GRIK3: variants seen among roughly 807,000 people sequenced by gnomAD.
GRIK3 encodes the protein glutamate ionotropic receptor kainate type subunit 3.
A neutral mutation model predicts 102.5 loss-of-function variants in GRIK3; 29 were observed. The ratio of observed to expected loss-of-function variants is 0.28; its 90% CI spans 0.21 to 0.39. GRIK3 has a LOEUF of 0.39. Ranked by LOEUF, GRIK3 falls within the 10% of genes least tolerant of loss-of-function variation. The pLI, the probability that GRIK3 is intolerant of heterozygous loss-of-function variation, is 1.00. For missense variants in GRIK3, 908 were observed against 1,252.4 expected, an observed-to-expected ratio of 0.73 and a Z score of 4.15; for synonymous variants, 511 against 504.9, an observed-to-expected ratio of 1.01 and a Z score of -0.16.
intron 2 of GRIK3, among the ~76,000 whole-genome samples, chr1:36,883,302 T>C (rs1437701760): frequency 1.3e-5 from 2 of 152,174 alleles, no homozygotes; most frequent in Non-Finnish European, 2.9e-5. Flanking sequence ...AATGGAGACT[T>C]CTCCTACACA....
At chr1:36,876,629 T>G (rs1002623723) in intron 3 of GRIK3, among the ~76,000 whole-genome samples, 3 of 152,218 alleles carry the variant, frequency 2.0e-5, no homozygotes, top group Non-Finnish European at 4.4e-5. Flanking sequence ...AACATCCTGA[T>G]GGACACAATC....
intron 11 of GRIK3, among the ~76,000 whole-genome samples, chr1:36,824,428 C>T (rs1351833093): frequency 6.6e-6 from 1 of 152,194 alleles, no homozygotes; most frequent in Non-Finnish European, 1.5e-5. Context: ...GCAGGGTGGC[C>T]ATGGCAGCTT....
chr1:36,861,699 A>G (rs1439819845), intron 5 of GRIK3, among the ~76,000 whole-genome samples: 1 of 152,086 alleles, frequency 6.6e-6, no homozygotes, highest in Non-Finnish European at 1.5e-5. Context: ...CTCCTTCTGG[A>G]ATGCACTGTG....
rs549140841 is a variant in GRIK3 at position 36,806,572 on chromosome 1, G to A, written c.2092-246C>T. On this transcript the variant is annotated intron_variant, in intron 13 of 15. Transcript: ENST00000373091. This position sits in a 1 kb window ranked among gnomAD's most constrained non-coding sequence, Gnocchi z 4.0. Reference sequence around the variant, plus strand: ...CCTGCTTCCTGGAAACCCTGGCCATGGCACAAGTGGTCTTCAAGCTGACTT... The same window carrying A: ...CCTGCTTCCTGGAAACCCTGGCCATAGCACAAGTGGTCTTCAAGCTGACTT... 6.6e-6 allele frequency among the ~76,000 whole-genome samples: 1 copy of A among 152,164 alleles called. No individual in the cohort carries two copies. Among genetic ancestry groups the A allele is most frequent in the Non-Finnish European group, 1.5e-5 (1 of 68,030 alleles).
At chr1:36,894,395 C>A (rs1055877315) in intron 1 of GRIK3, among the ~76,000 whole-genome samples, 1 of 152,148 alleles carries the variant, frequency 6.6e-6, no homozygotes, top group Non-Finnish European at 1.5e-5. Flanking sequence ...ATTTTTCTAT[C>A]CACCAGCTGA....
chr1:36,898,355 C>T (rs1170168422), intron 1 of GRIK3, among the ~76,000 whole-genome samples: 1 of 152,112 alleles, frequency 6.6e-6, no homozygotes, highest in East Asian at 1.9e-4. Context: ...GTGATTATTA[C>T]ATATTGCATG....
rs984501377 is a variant in GRIK3, at chr1:36,841,644, T to G, written c.1530+92A>C. ...CATCACTCCTGTCCCCAGGGCCTTT[T>G]TCTGCCAGGCTGCCCAGCCCTGTGG... On this transcript the variant is annotated intron_variant, in intron 10 of 15. Transcript: ENST00000373091. 3 of 1,129,430 alleles carry G rather than the reference T, an allele frequency of 2.7e-6. No individual in the cohort carries two copies. In the African/African-American group the frequency reaches 4.6e-5, roughly 17 times the overall value. The allele number at this position is 1,129,430 out of a possible 1,614,324, so 70.0% of individuals were successfully genotyped here. A position where few individuals can be genotyped will look rare whatever the true frequency, so the allele number is the denominator to read the frequency against.
At chr1:37,031,680 C>T (rs1310873546) in intron 1 of GRIK3, among the ~76,000 whole-genome samples, 1 of 152,198 alleles carries the variant, frequency 6.6e-6, no homozygotes, top group Non-Finnish European at 1.5e-5. Flanking sequence ...TTCTTAAAGC[C>T]CCAGCCAGAA....
intron 10 of GRIK3, among the ~76,000 whole-genome samples, chr1:36,840,273 C>T (rs909556456): frequency 6.6e-6 from 1 of 152,098 alleles, no homozygotes; most frequent in African/African-American, 2.4e-5. Context: ...AATTCAGCAG[C>T]AGCTCCTTGA....
chr1:36,870,061 A>G (rs747740072), intron 4 of GRIK3, among the ~76,000 whole-genome samples: 3 of 152,240 alleles, frequency 2.0e-5, no homozygotes, highest in Non-Finnish European at 2.9e-5. Context: ...CAAAGATTCC[A>G]AATTCTGCAG....
chr1:37,001,764 G>A (rs1642478864), intron 1 of GRIK3, among the ~76,000 whole-genome samples: 1 of 152,210 alleles, frequency 6.6e-6, no homozygotes, highest in Non-Finnish European at 1.5e-5. Context: ...TATTTGGGAG[G>A]TGATCTCAGG....
Position 36,892,852 on chromosome 1 carries a change from G to A in GRIK3, c.116-1756C>T, listed in dbSNP as rs544318007. Among the ~76,000 whole-genome samples, 7 of 152,220 alleles carry A rather than the reference G, an allele frequency of 4.6e-5. No homozygotes were observed. In the East Asian group the frequency reaches 1.3e-3, roughly 29 times the overall value. On this transcript the variant is annotated intron_variant, in intron 1 of 15. Transcript: ENST00000373091. ...AAAACACAGATAGATCAAAGGAACAGGATAAAAGCTCCCATAAAGAGACTC... is the reference window on the plus strand; with the variant it reads ...AAAACACAGATAGATCAAAGGAACAAGATAAAAGCTCCCATAAAGAGACTC...
intron 1 of GRIK3, among the ~76,000 whole-genome samples, chr1:36,893,440 G>A (rs539887375): frequency 6.6e-6 from 1 of 152,280 alleles, no homozygotes; most frequent in South Asian, 2.1e-4. Flanking sequence ...GAAGAAGTGT[G>A]CAACTTCCCT....
At chr1:36,910,968 C>T (rs993689410) in intron 1 of GRIK3, among the ~76,000 whole-genome samples, 8 of 152,154 alleles carry the variant, frequency 5.3e-5, no homozygotes, top group African/African-American at 1.9e-4. Context: ...ACTGGGGAGA[C>T]TCAGAGGAGA....
intron 1 of GRIK3, among the ~76,000 whole-genome samples, chr1:36,993,843 A>C (rs566700954): frequency 6.6e-6 from 1 of 152,226 alleles, no homozygotes; most frequent in East Asian, 1.9e-4. Context: ...TCTTGCCCCA[A>C]TACAACTCAC....
At chr1:36,937,803 C>T (rs966321284) in intron 1 of GRIK3, among the ~76,000 whole-genome samples, 10 of 152,232 alleles carry the variant, frequency 6.6e-5, no homozygotes, top group Non-Finnish European at 8.8e-5. Flanking sequence ...ACAGGGACCA[C>T]TACATCCATG....
At chr1:36,949,976 T>G (rs560663045) in intron 1 of GRIK3, among the ~76,000 whole-genome samples, 1 of 152,144 alleles carries the variant, frequency 6.6e-6, no homozygotes, top group Non-Finnish European at 1.5e-5. Flanking sequence ...AGCTGGTAAA[T>G]ATCAGAGCCA....
chr1:36,963,061 G>C (rs1037749709), intron 1 of GRIK3, among the ~76,000 whole-genome samples: 2 of 152,126 alleles, frequency 1.3e-5, no homozygotes, highest in Non-Finnish European at 2.9e-5. Flanking sequence ...AACTTGGAAG[G>C]GGGAGGAGAA....
At chr1:36,842,608 A>T (rs1570755252) in intron 9 of GRIK3, among the ~76,000 whole-genome samples, 1 of 151,936 alleles carries the variant, frequency 6.6e-6, no homozygotes, top group Admixed American at 6.6e-5. Context: ...ATTACTGGTA[A>T]CAGGGACAGC....
Sources: gnomAD v4.1 joint callset for allele counts (sites outside exome capture counted in the v4.1 genomes callset) on GRCh38, gnomAD v4.1.1 for gene constraint, Gnocchi (gnomAD v3.1) non-coding constraint, MANE v1.5 for transcripts, NCBI Gene and HGNC (gene_info 2026-07-23, HGNC 2026-07-21) for gene names.